Variants in ZDHHC3 observed in about 807,000 individuals in gnomAD.
ZDHHC3 encodes zDHHC palmitoyltransferase 3.
A neutral mutation model predicts 30.6 loss-of-function variants in ZDHHC3; 9 were observed. That is an observed-to-expected ratio of 0.29 (90% CI 0.18 to 0.51). ZDHHC3 has a LOEUF of 0.51. Ranked by LOEUF, ZDHHC3 falls within the 20% of genes least tolerant of loss-of-function variation. The probability of loss-of-function intolerance (pLI) is 0.97; values close to 1 mark genes in which losing one functional copy is unlikely to be tolerated. For missense variants in ZDHHC3, 246 were observed against 384.2 expected, an observed-to-expected ratio of 0.64 and a Z score of 3.01; for synonymous variants, 136 against 140.2, an observed-to-expected ratio of 0.97 and a Z score of 0.21.
At chr3:44,927,555 G>C (rs1425240041) in intron 6 of ZDHHC3, among the ~76,000 whole-genome samples, 2 of 152,214 alleles carry the variant, frequency 1.3e-5, no homozygotes, top group Non-Finnish European at 1.5e-5. Flanking sequence ...GGCCAGGCCA[G>C]CCAGCATGGC....
Position 44,923,085 on chromosome 3 carries a change from T to G in ZDHHC3, c.*3604A>C, listed in dbSNP as rs2125790260. 3.0e-6 allele frequency: 3 copies of G among 984,604 alleles called. No homozygotes were observed. Among genetic ancestry groups the G allele is most frequent in the Middle Eastern group, 5.2e-4 (1 of 1,914 alleles). 61.0% of individuals were successfully genotyped at this position (984,604 alleles called of 1,614,324 possible). A position where few individuals can be genotyped will look rare whatever the true frequency, so the allele number is the denominator to read the frequency against. On this transcript the variant is annotated 3_prime_UTR_variant, in exon 7 of 7. Coordinates refer to ENST00000424952, the MANE Select transcript of ZDHHC3 (RefSeq NM_001135179.2). ...ACATACATGTTTAAAATGTTTGTTTTTTTTTTTTGAGACGGAGTCTCACTC... is the reference window on the plus strand; with the variant it reads ...ACATACATGTTTAAAATGTTTGTTTGTTTTTTTTGAGACGGAGTCTCACTC...
At position 44,943,083 on chromosome 3, in the gene ZDHHC3, T is replaced by C. The variant is rs571993465; in HGVS notation, c.431+2085A>G. On this transcript the variant is annotated intron_variant, in intron 3 of 6. Coordinates refer to ENST00000424952, the MANE Select transcript of ZDHHC3 (RefSeq NM_001135179.2). ...CCACAGACAGAAACCCCGGAGGAGC[T>C]AGCAATCACCATTGGCCCCTACCCA... Among the ~76,000 whole-genome samples, 28 of 152,268 alleles carry C rather than the reference T, an allele frequency of 1.8e-4. No individual in the cohort carries two copies. The South Asian group carries it at 3.7e-3, about 20-fold the overall frequency.
At chr3:44,929,031 G>C (rs1026372532) in intron 6 of ZDHHC3, among the ~76,000 whole-genome samples, 1 of 152,164 alleles carries the variant, frequency 6.6e-6, no homozygotes, top group Non-Finnish European at 1.5e-5. Flanking sequence ...GACCTGCCAT[G>C]GGGGGGATGG....
chr3:44,921,031 G>A lies in ZDHHC3; in HGVS notation c.*5658C>T. 1.0e-6 allele frequency: 1 copy of A among 985,456 alleles called. No individual in the cohort carries two copies. The allele number at this position is 985,456 out of a possible 1,614,324, so 61.0% of individuals were successfully genotyped here. ...TAAGCTTGAGGTTTGCAGAGGAGCAGTAATAGTAGCTTCAGGCTCAAGAGA... is the reference window on the plus strand; with the variant it reads ...TAAGCTTGAGGTTTGCAGAGGAGCAATAATAGTAGCTTCAGGCTCAAGAGA... On this transcript the variant is annotated 3_prime_UTR_variant, in exon 7 of 7. Transcript: ENST00000424952.
Position 44,924,522 on chromosome 3 carries a change from A to T in ZDHHC3, c.*2167T>A. On this transcript the variant is annotated 3_prime_UTR_variant, in exon 7 of 7. Coordinates refer to ENST00000424952, the MANE Select transcript of ZDHHC3 (RefSeq NM_001135179.2). ...CCCACTCTATTGGAAAGATAAGCAT[A>T]GTATGCACAGCTTTAAAGGAGGAGT... 1 of 985,480 alleles carries T rather than the reference A, an allele frequency of 1.0e-6. No homozygotes were observed. The highest frequency in any genetic ancestry group is 1.7e-5 in the African/African-American group (1 of 57,376). 61.0% of individuals were successfully genotyped at this position (985,480 alleles called of 1,614,324 possible). A position where few individuals can be genotyped will look rare whatever the true frequency, so the allele number is the denominator to read the frequency against.
chr3:44,922,069 AG>A lies in ZDHHC3; in HGVS notation c.*4619del, dbSNP rs1337965867. 2 of 985,276 alleles carry A rather than the reference AG, an allele frequency of 2.0e-6. No homozygotes were observed. Among genetic ancestry groups the A allele is most frequent in the African/African-American group, 3.5e-5 (2 of 57,212 alleles). 61.0% of individuals were successfully genotyped at this position (985,276 alleles called of 1,614,324 possible). A position where few individuals can be genotyped will look rare whatever the true frequency, so the allele number is the denominator to read the frequency against. Reference sequence around the variant, plus strand: ...TCAGCAAGATGTTTACTTGAGGGAGAGGGTGAGAAAAAGAAGGTTCAGGTTG... The same window carrying A: ...TCAGCAAGATGTTTACTTGAGGGAGAGGTGAGAAAAAGAAGGTTCAGGTTG... On this transcript the variant is annotated 3_prime_UTR_variant, in exon 7 of 7. Transcript: ENST00000424952.
intron 2 of ZDHHC3, among the ~76,000 whole-genome samples, chr3:44,953,205 A>T (rs534919572): frequency 2.6e-5 from 4 of 152,374 alleles, no homozygotes; most frequent in African/African-American, 9.6e-5. Flanking sequence ...AATAAGTGGC[A>T]GAAGTAGGGT....
At chr3:44,945,409 T>C in intron 2 of ZDHHC3, 117 bp from the exon 3 acceptor site, 1 of 1,392,578 alleles carries the variant, frequency 7.2e-7, no homozygotes, top group Non-Finnish European at 9.9e-7. Flanking sequence ...ACAGGACACT[T>C]TGATACCAAC....
chr3:44,924,952 A>C lies in ZDHHC3; in HGVS notation c.*1737T>G. On this transcript the variant is annotated 3_prime_UTR_variant, in exon 7 of 7. Coordinates refer to ENST00000424952, the MANE Select transcript of ZDHHC3 (RefSeq NM_001135179.2). ...TTAGGAGAGCCCATCAGCACAAAGG[A>C]ATTGATTCAGGCTGCAGAAAGCAAA... is the stretch of plus-strand genomic sequence containing the variant. 1.0e-6 allele frequency: 1 copy of C among 985,590 alleles called. No homozygotes were observed. The highest frequency in any genetic ancestry group is 1.2e-6 in the Non-Finnish European group (1 of 829,926). 61.1% of individuals were successfully genotyped at this position (985,590 alleles called of 1,614,324 possible).
rs747614133 is a variant in ZDHHC3 at position 44,945,187 on chromosome 3, C to T, written c.412G>A (p.Asp138Asn). 7.4e-6 allele frequency: 12 copies of T among 1,613,950 alleles called. No homozygotes were observed. The highest frequency in any genetic ancestry group is 3.3e-5 in the South Asian group (3 of 91,072). ...KCPKCCSIKP[D>N]RAHHCSVCKR... ...GTGTACCTGCAGTGGTGGGCTCGGT[C>T]GGGCTTGATGCTGCAGCATTTGGGG... The change falls in exon 3 of 7, where the codon GAC (aspartate) becomes AAC (asparagine). Residue 138 changes from aspartate (D) to asparagine (N), a missense_variant. Physicochemically the swap from Asp to Asn is conservative, Grantham distance 23. Transcript: ENST00000424952.
At chr3:44,954,929 T>A (rs1044341461) in intron 2 of ZDHHC3, among the ~76,000 whole-genome samples, 1 of 151,956 alleles carries the variant, frequency 6.6e-6, no homozygotes, top group Non-Finnish European at 1.5e-5. Context: ...AAGATAAGGG[T>A]TTCTGAGTCC....
Position 44,920,550 on chromosome 3 carries a change from A to G in ZDHHC3, c.*6139T>C. 2 of 985,344 alleles carry G rather than the reference A, an allele frequency of 2.0e-6. No homozygotes were observed. Among genetic ancestry groups the G allele is most frequent in the Non-Finnish European group, 1.2e-6 (1 of 829,842 alleles). 61.0% of individuals were successfully genotyped at this position (985,344 alleles called of 1,614,324 possible). ...CAGATGGGGAAGAAACAGAAGTTCC[A>G]AGAGGCCATGACGGTGGCCAAGGCT... is the stretch of plus-strand genomic sequence containing the variant. On this transcript the variant is annotated 3_prime_UTR_variant, in exon 7 of 7. Coordinates refer to ENST00000424952, the MANE Select transcript of ZDHHC3 (RefSeq NM_001135179.2).
At chr3:44,934,893 CA>C (rs886501187) in intron 3 of ZDHHC3, among the ~76,000 whole-genome samples, 3,994 of 60,140 alleles carry the variant, frequency 0.066, 22 homozygotes, top group Non-Finnish European at 0.094. Flanking sequence ...ACTCTGTCTC[CA>C]AAAAAAAAAA....
chr3:44,939,576 T>C (rs1259522370), intron 3 of ZDHHC3, among the ~76,000 whole-genome samples: 2 of 152,238 alleles, frequency 1.3e-5, no homozygotes, highest in African/African-American at 4.8e-5. Flanking sequence ...CTCTTTCATC[T>C]GCACTTATTT....
At chr3:44,928,105 C>T (rs537296050) in intron 6 of ZDHHC3, among the ~76,000 whole-genome samples, 1 of 152,350 alleles carries the variant, frequency 6.6e-6, no homozygotes, top group South Asian at 2.1e-4. Context: ...CATCGGGTTC[C>T]CCGTATATCT....
intron 6 of ZDHHC3, among the ~76,000 whole-genome samples, chr3:44,927,501 AGAG>A (rs1575778275): frequency 6.6e-6 from 1 of 152,212 alleles, no homozygotes; most frequent in South Asian, 2.1e-4. Flanking sequence ...AGAAGTCACC[AGAG>A]GAGGAAGGAG....
Position 44,917,973 on chromosome 3 carries a change from C to T in ZDHHC3, c.*8716G>A, listed in dbSNP as rs371904572. On this transcript the variant is annotated 3_prime_UTR_variant, in exon 7 of 7. Transcript: ENST00000424952. ...CCTCCATTGTTTCGGTGTCTGACAGCGATGTCACCTGCCGCACCATGTCTT... is the reference window on the plus strand; with the variant it reads ...CCTCCATTGTTTCGGTGTCTGACAGTGATGTCACCTGCCGCACCATGTCTT... 33 of 1,305,292 alleles carry T rather than the reference C, an allele frequency of 2.5e-5. No homozygotes were observed. The highest frequency in any genetic ancestry group is 2.1e-4 in the Middle Eastern group (1 of 4,720). The allele number at this position is 1,305,292 out of a possible 1,614,324, so 80.9% of individuals were successfully genotyped here.
chr3:44,934,902 A>G (rs1424368626), intron 3 of ZDHHC3, among the ~76,000 whole-genome samples: 3 of 151,820 alleles, frequency 2.0e-5, no homozygotes, highest in Non-Finnish European at 4.4e-5. Context: ...CCAAAAAAAA[A>G]AAAAAAAAAA....
chr3:44,923,822 C>G lies in ZDHHC3; in HGVS notation c.*2867G>C. On this transcript the variant is annotated 3_prime_UTR_variant, in exon 7 of 7. Transcript: ENST00000424952. ...TGTCTCAAACAAAAAAGAGGAAGTACAGTATGAAGAAGACAAAATGGTGGG... is the reference window on the plus strand; with the variant it reads ...TGTCTCAAACAAAAAAGAGGAAGTAGAGTATGAAGAAGACAAAATGGTGGG... The G allele has an allele frequency of 1.0e-6, 1 of 985,310 alleles. No individual in the cohort carries two copies. The highest frequency in any genetic ancestry group is 1.2e-6 in the Non-Finnish European group (1 of 829,906). 61.0% of individuals were successfully genotyped at this position (985,310 alleles called of 1,614,324 possible). A position where few individuals can be genotyped will look rare whatever the true frequency, so the allele number is the denominator to read the frequency against.
Sources: gnomAD v4.1 joint callset for allele counts (sites outside exome capture counted in the v4.1 genomes callset) on GRCh38, gnomAD v4.1.1 for gene constraint, MANE v1.5 for transcripts, NCBI Gene and HGNC (gene_info 2026-07-23, HGNC 2026-07-21) for gene names.